EPHA6: variants seen among roughly 807,000 people sequenced by gnomAD.
The protein encoded by EPHA6 is ephrin type-A receptor 6.
A neutral mutation model predicts 112.0 loss-of-function variants in EPHA6; 50 were observed. That is an observed-to-expected ratio of 0.45 (90% CI 0.36 to 0.56). The LOEUF (loss-of-function observed/expected upper bound fraction) is 0.56. Among genes scored for constraint, EPHA6 ranks in the 20% least tolerant of loss-of-function variants. The pLI is 0.00. For missense variants in EPHA6, 1,280 were observed against 1,417.4 expected, an observed-to-expected ratio of 0.90 and a Z score of 1.56; for synonymous variants, 529 against 490.7, an observed-to-expected ratio of 1.08 and a Z score of -1.03.
At chr3:97,330,628 A>G (rs1559891488) in intron 5 of EPHA6, among the ~76,000 whole-genome samples, 1 of 152,138 alleles carries the variant, frequency 6.6e-6, no homozygotes, top group Admixed American at 6.6e-5. Flanking sequence ...TTAAACCAAC[A>G]AAGATCAAAA....
rs1375407820 is a variant in EPHA6, at chr3:97,288,779, T to C, written c.1606+44492T>C. ...TTTATAATGGCCATTCTGACTGGTGTAACATAGTATCTCATTGTGGTTTTT... is the reference window on the plus strand; with the variant it reads ...TTTATAATGGCCATTCTGACTGGTGCAACATAGTATCTCATTGTGGTTTTT... On this transcript the variant is annotated intron_variant, in intron 5 of 17. Transcript: ENST00000389672. 3.3e-5 allele frequency among the ~76,000 whole-genome samples: 5 copies of C among 149,812 alleles called. No individual in the cohort carries two copies. In the East Asian group the frequency reaches 7.8e-4, roughly 23 times the overall value.
intron 14 of EPHA6, among the ~76,000 whole-genome samples, chr3:97,679,602 C>T (rs1042452914): frequency 5.3e-5 from 8 of 152,088 alleles, no homozygotes; most frequent in Admixed American, 4.6e-4. Context: ...CCTAGTCAAT[C>T]GTTTGTTTTT....
intron 3 of EPHA6, among the ~76,000 whole-genome samples, chr3:97,059,166 G>C (rs921507030): frequency 3.9e-5 from 6 of 152,154 alleles, no homozygotes; most frequent in African/African-American, 1.4e-4. Context: ...CCAGAAGAGA[G>C]GAAAGCAAAT....
intron 14 of EPHA6, among the ~76,000 whole-genome samples, chr3:97,659,983 G>A (rs2094159470): frequency 6.6e-6 from 1 of 152,052 alleles, no homozygotes; most frequent in African/African-American, 2.4e-5. Flanking sequence ...GAAACTATTC[G>A]TAGATGGGTA....
At chr3:97,385,383 C>T (rs2086000058) in intron 5 of EPHA6, among the ~76,000 whole-genome samples, 1 of 151,984 alleles carries the variant, frequency 6.6e-6, no homozygotes, top group Non-Finnish European at 1.5e-5. Flanking sequence ...ATTGTAATAA[C>T]TCTATTTAAA....
chr3:97,599,648 C>T (rs1345980555), intron 12 of EPHA6, among the ~76,000 whole-genome samples: 1 of 151,642 alleles, frequency 6.6e-6, no homozygotes, highest in Non-Finnish European at 1.5e-5. Context: ...GTACCAGTAC[C>T]ATGCTGTTTT....
At chr3:97,562,769 C>T (rs2093209404) in intron 11 of EPHA6, among the ~76,000 whole-genome samples, 1 of 152,118 alleles carries the variant, frequency 6.6e-6, no homozygotes, top group Admixed American at 6.6e-5. Context: ...AAGAGTCAAT[C>T]AGTGTGGCTA....
chr3:97,142,254 C>A (rs922376313), intron 3 of EPHA6, among the ~76,000 whole-genome samples: 2 of 151,906 alleles, frequency 1.3e-5, no homozygotes, highest in African/African-American at 4.8e-5. Flanking sequence ...TTAGAAATAA[C>A]AACAAGAACA....
At chr3:97,353,555 A>G (rs1252627723) in intron 5 of EPHA6, among the ~76,000 whole-genome samples, 1 of 151,964 alleles carries the variant, frequency 6.6e-6, no homozygotes, top group Non-Finnish European at 1.5e-5. Context: ...AAGAAGGGAG[A>G]AGAATGGGAA....
intron 1 of EPHA6, among the ~76,000 whole-genome samples, chr3:96,865,697 A>AC (rs1362394657): frequency 0.026 from 3,678 of 141,668 alleles, 26 homozygotes; most frequent in Middle Eastern, 0.058. Flanking sequence ...AAACAAACAA[A>AC]AAAAAAAAAA....
chr3:97,524,243 G>A (rs974522485), intron 10 of EPHA6, among the ~76,000 whole-genome samples: 4 of 151,476 alleles, frequency 2.6e-5, no homozygotes, highest in Non-Finnish European at 5.9e-5. Flanking sequence ...TTCATATTTT[G>A]TATATCTGCC....
At chr3:97,134,378 C>T (rs2075716845) in intron 3 of EPHA6, among the ~76,000 whole-genome samples, 1 of 151,974 alleles carries the variant, frequency 6.6e-6, no homozygotes, top group Non-Finnish European at 1.5e-5. Context: ...ATATCTATGA[C>T]CCACACTCAA....
chr3:96,958,923 A>G (rs1230535177), intron 2 of EPHA6, among the ~76,000 whole-genome samples: 4 of 152,326 alleles, frequency 2.6e-5, no homozygotes, highest in Non-Finnish European at 5.9e-5. Flanking sequence ...AGTTGATGAC[A>G]TTGAGTTGTT....
intron 11 of EPHA6, among the ~76,000 whole-genome samples, chr3:97,576,276 T>C (rs2093383663): frequency 7.3e-6 from 1 of 137,650 alleles, no homozygotes; most frequent in African/African-American, 3.4e-5. Context: ...TTGTAAAAAG[T>C]TGTTTATTCA....
At chr3:97,259,488 G>C (rs1156312018) in intron 5 of EPHA6, among the ~76,000 whole-genome samples, 2 of 152,074 alleles carry the variant, frequency 1.3e-5, no homozygotes, top group Non-Finnish European at 2.9e-5. Flanking sequence ...TTTCCAAATA[G>C]AATTTTGCCT....
intron 1 of EPHA6, among the ~76,000 whole-genome samples, chr3:96,855,495 A>G (rs1031463042): frequency 1.4e-4 from 22 of 152,134 alleles, no homozygotes; most frequent in African/African-American, 5.3e-4. Context: ...ACTGAAACAG[A>G]GAAATCAGGA....
chr3:97,642,548 T>A (rs2094017916), intron 14 of EPHA6, among the ~76,000 whole-genome samples: 1 of 148,514 alleles, frequency 6.7e-6, no homozygotes, highest in Non-Finnish European at 1.5e-5. Context: ...TTGAAAAAAA[T>A]TTAGAAGAAT....
At chr3:97,684,040 A>C (rs1418848270) in intron 14 of EPHA6, among the ~76,000 whole-genome samples, 1 of 152,102 alleles carries the variant, frequency 6.6e-6, no homozygotes, top group Admixed American at 6.6e-5. Context: ...TAATAGGTGA[A>C]TGTTCATTAG....
intron 3 of EPHA6, among the ~76,000 whole-genome samples, chr3:97,200,614 C>T (rs2077556042): frequency 6.6e-6 from 1 of 152,046 alleles, no homozygotes; most frequent in South Asian, 2.1e-4. Context: ...TTAGTTACAC[C>T]GTGATTGACA....
Sources: gnomAD v4.1 joint callset for allele counts (sites outside exome capture counted in the v4.1 genomes callset) on GRCh38, gnomAD v4.1.1 for gene constraint, MANE v1.5 for transcripts, NCBI Gene and HGNC (gene_info 2026-07-23, HGNC 2026-07-21) for gene names.